The following NCF1 variants were observed in gnomAD, a reference collection of about 807,000 sequenced individuals.
The protein encoded by NCF1 is neutrophil cytosolic factor 1, also known as neutrophil cytosol factor 1.
A neutral mutation model predicts 34.9 loss-of-function variants in NCF1; 8 were observed. That is an observed-to-expected ratio of 0.23 (90% CI 0.13 to 0.41). The LOEUF is 0.41. Among genes scored for constraint, NCF1 ranks in the 10% least tolerant of loss-of-function variants. The pLI is 1.00. For synonymous variants in NCF1, 57 were observed against 146.3 expected (o/e 0.39, Z 4.41); for missense variants, 122 against 362.4 (o/e 0.34, Z 5.39).
At chr7:74,786,050 T>C (rs1259142770) in intron 8 of NCF1, among the ~76,000 whole-genome samples, 1 of 113,994 alleles carries the variant, frequency 8.8e-6, no homozygotes, top group Non-Finnish European at 1.8e-5. Context: ...CTGGGCAATG[T>C]AGGGAGACCT....
chr7:74,783,115 C>T, intron 6 of NCF1, 54 bp downstream of exon 6: 1 of 1,579,346 alleles, frequency 6.3e-7, no homozygotes, highest in Non-Finnish European at 8.6e-7. Context: ...GAACCCACAG[C>T]CACAAGCCCC....
At chr7:74,785,640 T>C (rs1413355739) in intron 8 of NCF1, 11 of 358,142 alleles carry the variant, frequency 3.1e-5, no homozygotes, top group African/African-American at 1.5e-4. Flanking sequence ...CCCAGCACTT[T>C]GGGAGCCCAG....
intron 1 of NCF1, among the ~76,000 whole-genome samples, chr7:74,775,987 C>T (rs1333042763): frequency 8.7e-6 from 1 of 115,324 alleles, no homozygotes; most frequent in Non-Finnish European, 1.8e-5. Context: ...TACTCTGTCA[C>T]CCAGGCTGGA....
In NCF1 at chr7:74,786,711, C is replaced by CT. The variant is rs1398505318; in HGVS notation, c.801-1272dup. Among the ~76,000 whole-genome samples, 3 of 148,804 alleles carry CT rather than the reference C, an allele frequency of 2.0e-5. No homozygotes were observed. The East Asian group carries it at 5.9e-4, about 29-fold the overall frequency. On this transcript the variant is annotated intron_variant, in intron 8 of 10. Coordinates refer to ENST00000289473, the MANE Select transcript of NCF1 (RefSeq NM_000265.7). ...GGCCTTTGCTGGCGTCTTCAGAGCC[C>CT]TAGGTCACAGGGCCAGCCTGGCGCC... is the stretch of plus-strand genomic sequence containing the variant.
At position 74,779,277 on chromosome 7, in the gene NCF1, C is replaced by G. The variant is rs782183721; in HGVS notation, c.250C>G (p.Gln84Glu). ...GCCAGCTCCCAAGTGGTTTGACGGG[C>G]AGCGGGCCGCCGAGAACCGCCAGGG... ...HLPAPKWFDGQRAAENRQGTL... is the reference protein window; with the variant it reads ...HLPAPKWFDGERAAENRQGTL... The change falls in exon 4 of 11, where the codon CAG becomes GAG. Residue 84 changes from glutamine (Q) to glutamate (E), a missense_variant. Transcript: ENST00000289473. The G allele has an allele frequency of 6.2e-7, 1 of 1,610,168 alleles. No individual in the cohort carries two copies. Among genetic ancestry groups the G allele is most frequent in the Admixed American group, 1.7e-5 (1 of 59,804 alleles).
chr7:74,785,673 A>C (rs1183244938), intron 8 of NCF1: 3 of 346,688 alleles, frequency 8.7e-6, no homozygotes, highest in Non-Finnish European at 1.7e-5. Context: ...ATGTGAGGTC[A>C]GGAGTTCGAG....
Position 74,777,317 on chromosome 7 carries a change from C to T in NCF1, c.123C>T (p.Tyr41=). The stretch of plus-strand genomic sequence containing the variant: ...AGGACCTGTCGGAGAAGGTGGTCTA[C>T]CGGCGCTTCACCGAGATCTACGAGT... ...KWQDLSEKVV[Y]RRFTEIYEFH... is the part of the protein sequence containing the mutation. The change falls in exon 2 of 11, where the codon TAC becomes TAT. Residue 41 remains tyrosine, a synonymous_variant. Coordinates refer to ENST00000289473, the MANE Select transcript of NCF1 (RefSeq NM_000265.7). The T allele has an allele frequency of 6.4e-7, 1 of 1,574,708 alleles. No homozygotes were observed.
At chr7:74,786,589 T>G (rs1196483752) in intron 8 of NCF1, among the ~76,000 whole-genome samples, 1 of 152,050 alleles carries the variant, frequency 6.6e-6, no homozygotes, top group Non-Finnish European at 1.5e-5. Context: ...GGGGTCTCAC[T>G]ATGGTGCCAA....
In NCF1 at chr7:74,783,570, C is replaced by T; in HGVS notation, c.620C>T (p.Ala207Val). The T allele has an allele frequency of 6.2e-7, 1 of 1,611,908 alleles. No homozygotes were observed. The highest frequency in any genetic ancestry group is 8.5e-7 in the Non-Finnish European group (1 of 1,179,796). Residue 207 changes from alanine (A) to valine (V), a missense_variant, in exon 7 of 11, where the codon GCG (alanine) becomes GTG (valine). Around this residue, in one of 9 missense-constraint regions of NCF1, gnomAD observed 57 missense variants for 89.3 expected, o/e 0.64. Transcript: ENST00000289473. The stretch of plus-strand genomic sequence containing the variant: ...AAAGCAAAGCGAGGCTGGATCCCAG[C>T]GTCCTTCCTCGAGCCCCTGGACAGT... The part of the protein sequence containing the change: ...QMKAKRGWIP[A>V]SFLEPLDSPD...
chr7:74,783,818 C>A (rs1796623912), intron 7 of NCF1, among the ~76,000 whole-genome samples, 186 bp downstream of exon 7: 1 of 152,036 alleles, frequency 6.6e-6, no homozygotes. Context: ...GGACAGGGAA[C>A]CAGGAGGAGG....
In NCF1 at chr7:74,783,030, C is replaced by T. The variant is rs781859571; in HGVS notation, c.543C>T (p.Asp181=). 27 of 1,611,356 alleles carry T rather than the reference C, an allele frequency of 1.7e-5. No homozygotes were observed. Among genetic ancestry groups the T allele is most frequent in the South Asian group, 1.3e-4 (12 of 90,984 alleles). Residue 181 remains aspartate (D), a synonymous_variant, in exon 6 of 11, where the codon GAC becomes GAT. Transcript: ENST00000289473. ...CCGAGATGGCTCTGTCCACGGGGGA[C>T]GTGGTGGAGGTCGTAGAGAAGAGCG... The part of the protein sequence containing the change: ...SGSEMALSTG[D]VVEVVEKSES...
intron 1 of NCF1, 58 bp from the exon 2 acceptor site, chr7:74,777,209 A>C: frequency 7.3e-7 from 1 of 1,371,380 alleles, no homozygotes. Context: ...TCCTGGGTGC[A>C]CACAGCAAAG....
chr7:74,786,987 G>T (rs1158073863), intron 8 of NCF1, among the ~76,000 whole-genome samples: 2 of 141,064 alleles, frequency 1.4e-5, no homozygotes, highest in Non-Finnish European at 3.1e-5. Context: ...AGAATAGAAA[G>T]AAAGTCTTTT....
Position 74,779,146 on chromosome 7 carries a change from C to G in NCF1, c.218C>G (p.Pro73Arg). The change falls in exon 3 of 11, where the codon CCC (proline) becomes CGC (arginine). Residue 73 changes from proline to arginine, a missense_variant. Around this residue, in one of 9 missense-constraint regions of NCF1, gnomAD observed 3 missense variants for 20.7 expected, o/e 0.14. Coordinates refer to ENST00000289473, the MANE Select transcript of NCF1 (RefSeq NM_000265.7). The stretch of plus-strand genomic sequence containing the variant: ...ATCAATCCAGAGAACAGGATCATCC[C>G]CCACCTCCCAGGTGAGCACGGGGCT... The part of the protein sequence containing the change: ...GAINPENRII[P>R]HLPAPKWFDG... The G allele has an allele frequency of 6.5e-7, 1 of 1,534,846 alleles. No individual in the cohort carries two copies. The highest frequency in any genetic ancestry group is 2.3e-5 in the East Asian group (1 of 42,788).
In NCF1 at chr7:74,779,295, C is replaced by T. The variant is rs1448269032; in HGVS notation, c.268C>T (p.Arg90Cys). 2.4e-5 allele frequency: 38 copies of T among 1,609,334 alleles called. 2 individuals carry two copies. The highest frequency in any genetic ancestry group is 5.4e-5 in the African/African-American group (4 of 74,054). The change falls in exon 4 of 11, where the codon CGC becomes TGC. Residue 90 changes from arginine (R) to cysteine (C), a missense_variant. By Grantham distance (180) the Arg-to-Cys change is radical (BLOSUM62 -3). Around this residue, in one of 9 missense-constraint regions of NCF1, gnomAD observed 14 missense variants for 22.4 expected, o/e 0.62. Transcript: ENST00000289473. ...WFDGQRAAEN[R>C]QGTLTEYCST... ...TGACGGGCAGCGGGCCGCCGAGAAC[C>T]GCCAGGGCACACTTACCGAGTACTG...
chr7:74,778,863 C>CG (rs1563002547), intron 2 of NCF1, among the ~76,000 whole-genome samples: 1 of 133,532 alleles, frequency 7.5e-6, no homozygotes, highest in African/African-American at 2.7e-5. Flanking sequence ...TTAGTAGAGA[C>CG]GGGGTTTCAC....
chr7:74,788,877 G>T (rs1376918015), intron 10 of NCF1, among the ~76,000 whole-genome samples, 162 bp from the exon 11 acceptor site: 29 of 144,318 alleles, frequency 2.0e-4, no homozygotes, highest in African/African-American at 6.8e-4. Context: ...GGGGCGGAGC[G>T]ATCCCTAAGA....
rs1379607913 is a variant in NCF1, at chr7:74,787,562, G to A, written c.801-422G>A. ...AAAGAAAAATTGGCAAATATAATCC[G>A]CCAATGTCTTCTTTTTTCTTTACTT... is the stretch of plus-strand genomic sequence containing the variant. On this transcript the variant is annotated intron_variant, in intron 8 of 10. Transcript: ENST00000289473. 5.3e-5 allele frequency among the ~76,000 whole-genome samples: 8 copies of A among 152,080 alleles called. No homozygotes were observed. The East Asian group carries it at 7.7e-4, about 15-fold the overall frequency.
intron 6 of NCF1, 75 bp downstream of exon 6, chr7:74,783,136 T>A (rs1796605589): frequency 6.3e-7 from 1 of 1,579,050 alleles, no homozygotes; most frequent in Non-Finnish European, 8.6e-7. Context: ...CTGCCAAGGC[T>A]CAGGCAGCCT....
Sources: gnomAD v4.1 joint callset for allele counts (sites outside exome capture counted in the v4.1 genomes callset) on GRCh38, gnomAD v4.1.1 for gene constraint, gnomAD v4.1.1 regional missense constraint, MANE v1.5 for transcripts, NCBI Gene and HGNC (gene_info 2026-07-23, HGNC 2026-07-21) for gene names.